Variants in RALA observed in about 807,000 individuals in gnomAD.
The protein encoded by RALA is RAS like proto-oncogene A, also known as ras-related protein Ral-A.
A neutral mutation model predicts 24.0 loss-of-function variants in RALA; 5 were observed. The ratio of observed to expected loss-of-function variants is 0.21; its 90% CI spans 0.11 to 0.44. RALA has a LOEUF of 0.44. RALA is among the 20% of genes least tolerant of loss of function. The pLI, the probability that RALA is intolerant of heterozygous loss-of-function variation, is 0.99. For missense variants in RALA, 95 were observed against 241.2 expected (o/e 0.39, Z 4.01); for synonymous variants, 77 against 83.8 (o/e 0.92, Z 0.44).
chr7:39,650,532 C>A (rs1001181398), intron 1 of RALA, among the ~76,000 whole-genome samples: 1 of 151,834 alleles, frequency 6.6e-6, no homozygotes, highest in South Asian at 2.1e-4. Flanking sequence ...GGTAGTAAGA[C>A]CCCTTTTCTG....
At chr7:39,695,595 G>A (rs917349022) in intron 3 of RALA, among the ~76,000 whole-genome samples, 2 of 151,768 alleles carry the variant, frequency 1.3e-5, no homozygotes, top group Non-Finnish European at 2.9e-5. Context: ...TAGATATGGG[G>A]GTCTCACTGT....
rs563683137 is a variant in RALA, at chr7:39,661,649, T to A, written c.-37-24982T>A. On this transcript the variant is annotated intron_variant, in intron 1 of 4. Coordinates refer to ENST00000005257, the MANE Select transcript of RALA (RefSeq NM_005402.4). Reference sequence around the variant, plus strand: ...GGGTTCCCATGGTCTTGGGCAGCTCTGCTTCTGTGGCTTTGCCAGGTACAG... The same window carrying A: ...GGGTTCCCATGGTCTTGGGCAGCTCAGCTTCTGTGGCTTTGCCAGGTACAG... Among the ~76,000 whole-genome samples, 182 of 152,348 alleles carry A rather than the reference T, an allele frequency of 1.2e-3. 1 individual carries two copies. Among genetic ancestry groups the A allele is most frequent in the African/African-American group, 4.1e-3 (169 of 41,590 alleles).
chr7:39,705,013 T>C (rs1032396188), intron 4 of RALA, among the ~76,000 whole-genome samples: 1 of 152,202 alleles, frequency 6.6e-6, no homozygotes, highest in Non-Finnish European at 1.5e-5. Flanking sequence ...CCTATGTCTC[T>C]AAAGTAGAAA....
Position 39,708,006 on chromosome 7 carries a change from G to A in RALA, c.*1761G>A, listed in dbSNP as rs1296193492. On this transcript the variant is annotated 3_prime_UTR_variant, in exon 5 of 5. Transcript: ENST00000005257. The stretch of plus-strand genomic sequence containing the variant: ...GACCTTTCCTCTCCTGGGTACTGAG[G>A]TGCTATGAAGCCAACTGACAAAGAT... The A allele has an allele frequency of 6.6e-6, 1 of 152,596 alleles. No homozygotes were observed. Among genetic ancestry groups the A allele is most frequent in the African/African-American group, 2.4e-5 (1 of 41,436 alleles). The allele number at this position is 152,596 out of a possible 1,614,324, so 9.5% of individuals were successfully genotyped here.
chr7:39,678,514 T>G (rs1009994868), intron 1 of RALA, among the ~76,000 whole-genome samples: 2 of 152,180 alleles, frequency 1.3e-5, no homozygotes, highest in Non-Finnish European at 2.9e-5. Flanking sequence ...AAGCTTGAAG[T>G]GAGCTTGAAA....
rs189239767 is a variant in RALA, at chr7:39,633,811, C to G, written c.-38+9986C>G. ...CAGGAATGATTTGTTGGTGTGAAAT[C>G]AGGTGTTGGCCCAGCATCCTGCACA... On this transcript the variant is annotated intron_variant, in intron 1 of 4. Transcript: ENST00000005257. Among the ~76,000 whole-genome samples the G allele has an allele frequency of 2.0e-5, 3 of 152,304 alleles. No individual in the cohort carries two copies. The East Asian group carries it at 5.8e-4, about 29-fold the overall frequency.
At chr7:39,631,000 T>A (rs1302576432) in intron 1 of RALA, among the ~76,000 whole-genome samples, 11 of 119,556 alleles carry the variant, frequency 9.2e-5, no homozygotes, top group Non-Finnish European at 1.7e-5. Context: ...CATTGCTGGT[T>A]TTTTGTTTTT....
At chr7:39,658,784 C>T (rs923067930) in intron 1 of RALA, among the ~76,000 whole-genome samples, 1 of 151,484 alleles carries the variant, frequency 6.6e-6, no homozygotes, top group Non-Finnish European at 1.5e-5. Flanking sequence ...AGTCTTACCA[C>T]GTTGCCCAGG....
chr7:39,685,580 G>A (rs1439759221), intron 1 of RALA, among the ~76,000 whole-genome samples: 4 of 151,940 alleles, frequency 2.6e-5, no homozygotes, highest in Non-Finnish European at 1.5e-5. Context: ...ATGGCCGAAG[G>A]TCACTACAAC....
At chr7:39,632,422 C>T (rs1262498009) in intron 1 of RALA, among the ~76,000 whole-genome samples, 1 of 152,144 alleles carries the variant, frequency 6.6e-6, no homozygotes, top group South Asian at 2.1e-4. Context: ...TTATCTTCAC[C>T]ATGGATATAC....
chr7:39,675,682 T>A (rs1792472619), intron 1 of RALA, among the ~76,000 whole-genome samples: 1 of 150,308 alleles, frequency 6.7e-6, no homozygotes, highest in East Asian at 2.0e-4. Context: ...GCTGTGATGG[T>A]ACCATTACAT....
At chr7:39,633,677 C>G (rs1307025709) in intron 1 of RALA, among the ~76,000 whole-genome samples, 5 of 152,050 alleles carry the variant, frequency 3.3e-5, no homozygotes, top group African/African-American at 1.2e-4. Context: ...GGGGGTAATC[C>G]TAGAGTACAT....
intron 4 of RALA, among the ~76,000 whole-genome samples, chr7:39,698,502 G>A (rs1398256253): frequency 1.3e-5 from 2 of 152,148 alleles, no homozygotes; most frequent in Admixed American, 1.3e-4. Context: ...GAAAATTATA[G>A]ATTTGAAGAG....
At chr7:39,669,657 T>C (rs149040557) in intron 1 of RALA, among the ~76,000 whole-genome samples, 204 of 151,610 alleles carry the variant, frequency 1.3e-3, no homozygotes, top group Middle Eastern at 6.8e-3. Flanking sequence ...ACAAAAAAAA[T>C]AGAAAAAAAT....
At chr7:39,641,364 G>C (rs1018901995) in intron 1 of RALA, among the ~76,000 whole-genome samples, 2 of 152,084 alleles carry the variant, frequency 1.3e-5, no homozygotes, top group Admixed American at 1.3e-4. Flanking sequence ...ATGATACTTG[G>C]TTTATGCTAA....
At chr7:39,686,835 C>T (rs1229874670) in intron 2 of RALA, 54 bp downstream of exon 2, 7 of 1,354,228 alleles carry the variant, frequency 5.2e-6, no homozygotes, top group Non-Finnish European at 7.4e-6. Context: ...GAGTATTTCC[C>T]TAGCTTAGTT....
At chr7:39,666,247 G>T (rs1484688922) in intron 1 of RALA, among the ~76,000 whole-genome samples, 1 of 152,096 alleles carries the variant, frequency 6.6e-6, no homozygotes, top group Non-Finnish European at 1.5e-5. Flanking sequence ...GGCCACAAAG[G>T]TGACATTTTC....
chr7:39,687,769 T>G (rs988037419), intron 2 of RALA, among the ~76,000 whole-genome samples: 68 of 152,304 alleles, frequency 4.5e-4, no homozygotes, highest in African/African-American at 1.5e-3. Flanking sequence ...CAATCTTGTG[T>G]GGGAGATGGT....
intron 1 of RALA, among the ~76,000 whole-genome samples, chr7:39,632,710 A>G (rs539102229): frequency 6.6e-6 from 1 of 152,248 alleles, no homozygotes; most frequent in South Asian, 2.1e-4. Flanking sequence ...CCCAGCTACT[A>G]GGGAGCTGAG....
Sources: gnomAD v4.1 joint callset for allele counts (sites outside exome capture counted in the v4.1 genomes callset) on GRCh38, gnomAD v4.1.1 for gene constraint, MANE v1.5 for transcripts, NCBI Gene and HGNC (gene_info 2026-07-23, HGNC 2026-07-21) for gene names.